TNC: variants seen among roughly 807,000 people sequenced by gnomAD.
The protein encoded by TNC is tenascin.
A neutral mutation model predicts 202.4 loss-of-function variants in TNC; 109 were observed. The ratio of observed to expected loss-of-function variants is 0.54; its 90% CI spans 0.46 to 0.63. The LOEUF (loss-of-function observed/expected upper bound fraction) is 0.63, where lower values mean the gene tolerates loss of function less well. Among genes scored for constraint, TNC ranks in the 30% least tolerant of loss-of-function variants. TNC has a pLI of 0.00. For missense variants in TNC, 2,756 were observed against 2,833.3 expected (o/e 0.97, Z 0.62); for synonymous variants, 1,007 against 1,089.7 (o/e 0.92, Z 1.50).
At chr9:115,026,478 A>G in intron 26 of TNC, 56 bp downstream of exon 26, 1 of 1,556,388 alleles carries the variant, frequency 6.4e-7, no homozygotes, top group Non-Finnish European at 8.8e-7. Context: ...AATAAACTGT[A>G]AATGTCAAGA....
At chr9:115,072,820 A>T (rs1385369539) in intron 10 of TNC, among the ~76,000 whole-genome samples, 1 of 152,196 alleles carries the variant, frequency 6.6e-6, no homozygotes, top group Admixed American at 6.5e-5. Context: ...GAAAAGTAAC[A>T]TTTTCCACCT....
chr9:115,035,191 A>G lies in TNC; in HGVS notation c.5787+13T>C, dbSNP rs977938047. 5.0e-6 allele frequency: 8 copies of G among 1,600,998 alleles called. No individual in the cohort carries two copies. The East Asian group carries it at 6.8e-5, about 14-fold the overall frequency. On this transcript the variant is annotated intron_variant, in intron 22 of 27. Coordinates refer to ENST00000350763, the MANE Select transcript of TNC (RefSeq NM_002160.4). ...TCAACTAGCATTGAGGAGTTGTTAT[A>G]TACTTAAAATACCTTGACTGTGCCA... is the stretch of plus-strand genomic sequence containing the variant.
At chr9:115,105,071 A>G (rs926306983) in intron 1 of TNC, among the ~76,000 whole-genome samples, 2 of 152,206 alleles carry the variant, frequency 1.3e-5, no homozygotes, top group Admixed American at 6.5e-5. Flanking sequence ...TTGCATCAGA[A>G]GGAGCCAGAT....
At chr9:115,097,892 T>G (rs1200940416) in intron 1 of TNC, among the ~76,000 whole-genome samples, 1 of 152,132 alleles carries the variant, frequency 6.6e-6, no homozygotes, top group South Asian at 2.1e-4. Flanking sequence ...AAAAGATCAA[T>G]ATGAAGAGCT....
intron 15 of TNC, among the ~76,000 whole-genome samples, chr9:115,055,262 G>T (rs965384152): frequency 2.0e-5 from 3 of 152,206 alleles, no homozygotes; most frequent in African/African-American, 4.8e-5. Context: ...CTCCAGATGT[G>T]AATGGATATT....
chr9:115,075,216 T>C (rs978795160), intron 9 of TNC, among the ~76,000 whole-genome samples: 1 of 152,008 alleles, frequency 6.6e-6, no homozygotes, highest in Non-Finnish European at 1.5e-5. Context: ...AAAAAAAATC[T>C]TGAGGAAAGA....
chr9:115,078,354 T>A (rs1417096095), intron 6 of TNC, 142 bp from the exon 7 acceptor site: 2 of 980,874 alleles, frequency 2.0e-6, no homozygotes, highest in Non-Finnish European at 2.8e-6. Context: ...TTCTGAACCT[T>A]AGTTTTTGGT....
At chr9:115,094,750 T>C (rs1237084203) in intron 1 of TNC, among the ~76,000 whole-genome samples, 1 of 151,928 alleles carries the variant, frequency 6.6e-6, no homozygotes. Flanking sequence ...AGGGTTACCA[T>C]GTAGAAATCC....
chr9:115,116,951 C>T (rs1190113114), intron 1 of TNC, among the ~76,000 whole-genome samples: 1 of 152,150 alleles, frequency 6.6e-6, no homozygotes, highest in Non-Finnish European at 1.5e-5. Flanking sequence ...CTTTTAACTT[C>T]CAGAGTGATG....
intron 10 of TNC, among the ~76,000 whole-genome samples, chr9:115,066,519 T>C (rs1277420122): frequency 6.6e-6 from 1 of 152,236 alleles, no homozygotes; most frequent in Non-Finnish European, 1.5e-5. Context: ...TTTTCTGGAA[T>C]TGATTTAACT....
rs1830693385 is a variant in TNC, at chr9:115,041,028, G to A, written c.5305C>T (p.Leu1769Phe). ...GTKTQTRLVK[L>F]IPGVEYLVSI... ...ACAAGGTACTCCACGCCAGGTATGAGTTTCACCAGCCTGGTCTGAGTCTTG... is the reference window on the plus strand; with the variant it reads ...ACAAGGTACTCCACGCCAGGTATGAATTTCACCAGCCTGGTCTGAGTCTTG... The change falls in exon 19 of 28, where the codon CTC becomes TTC. Residue 1769 changes from leucine (L) to phenylalanine (F), a missense_variant. Physicochemically the swap from Leu to Phe is conservative, Grantham distance 22. Transcript: ENST00000350763. 6.2e-7 allele frequency: 1 copy of A among 1,614,116 alleles called. No individual in the cohort carries two copies. Among genetic ancestry groups the A allele is most frequent in the South Asian group, 1.1e-5 (1 of 91,084 alleles).
Position 115,024,416 on chromosome 9 carries a change from C to T in TNC, c.6332-280G>A, listed in dbSNP as rs1048891203. On this transcript the variant is annotated intron_variant, in intron 26 of 27. Coordinates refer to ENST00000350763, the MANE Select transcript of TNC (RefSeq NM_002160.4). ...CCATCTTTTCACTTTTTAGCTGTGA[C>T]CTTGCACAAGTCAAGCATCTTGTTG... 1.8e-4 allele frequency among the ~76,000 whole-genome samples: 27 copies of T among 152,272 alleles called. 1 individual carries two copies. Among genetic ancestry groups the T allele is most frequent in the African/African-American group, 6.3e-4 (26 of 41,558 alleles).
At chr9:115,084,100 A>T in intron 4 of TNC, 109 bp downstream of exon 4, 1 of 1,200,182 alleles carries the variant, frequency 8.3e-7, no homozygotes, top group Non-Finnish European at 1.2e-6. Flanking sequence ...CTTATTTGGT[A>T]TAACTGTAAA....
At chr9:115,066,926 C>G (rs1202735557) in intron 10 of TNC, among the ~76,000 whole-genome samples, 2 of 152,204 alleles carry the variant, frequency 1.3e-5, no homozygotes, top group Non-Finnish European at 2.9e-5. Context: ...TATTTACCAT[C>G]TGGCCCTTTA....
At chr9:115,033,787 A>T (rs551617613) in intron 22 of TNC, among the ~76,000 whole-genome samples, 2 of 152,330 alleles carry the variant, frequency 1.3e-5, no homozygotes, top group South Asian at 4.1e-4. Flanking sequence ...GGGGAATGGG[A>T]GAGGAGACAG....
At position 115,085,904 on chromosome 9, in the gene TNC, G is replaced by T; in HGVS notation, c.1827C>A (p.Cys609Ter). 1 of 1,612,692 alleles carries T rather than the reference G, an allele frequency of 6.2e-7. No homozygotes were observed. Among genetic ancestry groups the T allele is most frequent in the Non-Finnish European group, 8.5e-7 (1 of 1,178,874 alleles). Reference sequence around the variant, plus strand: ...CTCCGCTGTAGCCCTCGTTGCAGATGCAGCGGCCCGAGACGCATTGTCCTA... The same window carrying T: ...CTCCGCTGTAGCCCTCGTTGCAGATTCAGCGGCCCGAGACGCATTGTCCTA... ...NNLGQCVSGR[C>*]ICNEGYSGED... The change falls in exon 3 of 28, where the codon TGC becomes TGA. Residue 609 changes from cysteine to a stop codon, truncating the protein, a stop_gained. Coordinates refer to ENST00000350763, the MANE Select transcript of TNC (RefSeq NM_002160.4). LOFTEE classifies it high-confidence loss of function.
At chr9:115,084,628 A>T (rs1340793724) in intron 3 of TNC, among the ~76,000 whole-genome samples, 156 bp from the exon 4 acceptor site, 1 of 152,160 alleles carries the variant, frequency 6.6e-6, no homozygotes, top group Admixed American at 6.5e-5. Flanking sequence ...CCCTGCTGTG[A>T]TCCATCTTAA....
At position 115,026,554 on chromosome 9, in the gene TNC, T is replaced by C; in HGVS notation, c.6311A>G (p.Glu2104Gly). 14 of 1,614,042 alleles carry C rather than the reference T, an allele frequency of 8.7e-6. No individual in the cohort carries two copies. Among genetic ancestry groups the C allele is most frequent in the Non-Finnish European group, 1.2e-5 (14 of 1,179,966 alleles). Residue 2104 changes from glutamate to glycine, a missense_variant, in exon 26 of 28, where the codon GAG (glutamate) becomes GGG (glycine). By Grantham distance (98) the Glu-to-Gly change is moderately conservative. This residue lies in a region of TNC where 197 missense variants were observed against 287.3 expected (regional missense o/e 0.69). Transcript: ENST00000350763. ...DAKTRYKLKV[E>G]GYSGTAGDSM... ...TGTACCTGCTGTCCCACTGTACCCC[T>C]CCACCTTCAGCTTGTAGCGAGTCTT... is the stretch of plus-strand genomic sequence containing the variant.
chr9:115,069,614 CCCTCT>C (rs1833226914), intron 10 of TNC, among the ~76,000 whole-genome samples: 1 of 12,834 alleles, frequency 7.8e-5, no homozygotes, highest in Non-Finnish European at 1.7e-4. Context: ...CTCCCTCCCT[CCCTCT>C]CTCCCTCCCT....
Sources: allele counts gnomAD v4.1 joint callset (sites outside exome capture counted in the v4.1 genomes callset), GRCh38; gene constraint gnomAD v4.1.1; regional missense constraint gnomAD v4.1.1; transcripts MANE v1.5; gene names NCBI Gene and HGNC (gene_info 2026-07-23, HGNC 2026-07-21).